The following PTPRG variants were observed in gnomAD, a reference collection of about 807,000 sequenced individuals.
PTPRG encodes receptor-type tyrosine-protein phosphatase gamma.
In PTPRG, 102 loss-of-function variants were observed where a neutral mutation model predicts 165.3. The ratio of observed to expected loss-of-function variants is 0.62; its 90% CI spans 0.53 to 0.73. PTPRG has a LOEUF of 0.73. PTPRG is among the 30% of genes least tolerant of loss of function. The probability of loss-of-function intolerance (pLI) is 0.00; values close to 1 mark genes in which losing one functional copy is unlikely to be tolerated. For synonymous variants in PTPRG, 675 were observed against 669.5 expected (o/e 1.01, Z -0.13); for missense variants, 1,866 against 1,861.4 (o/e 1.00, Z -0.05).
intron 2 of PTPRG, among the ~76,000 whole-genome samples, chr3:61,881,567 C>G (rs1671495575): frequency 6.6e-6 from 1 of 152,194 alleles, no homozygotes. Flanking sequence ...GGAGGTTTTT[C>G]TAGCCATTTG....
rs533376586 is a variant in PTPRG at position 61,830,786 on chromosome 3, C to T, written c.190+81804C>T. Among the ~76,000 whole-genome samples the T allele has an allele frequency of 2.0e-5, 3 of 152,210 alleles. No homozygotes were observed. The South Asian group carries it at 6.2e-4, about 32-fold the overall frequency. On this transcript the variant is annotated intron_variant, in intron 2 of 29. Transcript: ENST00000474889. The stretch of plus-strand genomic sequence containing the variant: ...ATGGGGATTCTCCATGTTGGTCAGG[C>T]TGGTCTCGAACTCCCGACCTCAGGT...
At chr3:62,150,113 G>A (rs1002638836) in intron 6 of PTPRG, among the ~76,000 whole-genome samples, 2 of 152,208 alleles carry the variant, frequency 1.3e-5, no homozygotes, top group Non-Finnish European at 2.9e-5. Context: ...ACAGTGGTCA[G>A]GATAGGCCTC....
chr3:62,080,689 T>C (rs569744484), intron 5 of PTPRG, among the ~76,000 whole-genome samples: 1 of 152,320 alleles, frequency 6.6e-6, no homozygotes, highest in South Asian at 2.1e-4. Context: ...GTTTATGGCA[T>C]GCTCTACCCA....
Position 62,278,548 on chromosome 3 carries a change from C to T in PTPRG, c.3765+869C>T, listed in dbSNP as rs569688183. On this transcript the variant is annotated intron_variant, in intron 26 of 29. Transcript: ENST00000474889. ...GACATGTGAACCCATGAGGTAAAAA[C>T]AAAAAACAGTGAGGATCTGCCTTTA... 2.0e-5 allele frequency among the ~76,000 whole-genome samples: 3 copies of T among 151,918 alleles called. No homozygotes were observed. The East Asian group carries it at 5.8e-4, about 29-fold the overall frequency.
intron 2 of PTPRG, among the ~76,000 whole-genome samples, chr3:61,754,993 CT>C (rs869191842): frequency 2.7e-4 from 39 of 146,412 alleles, no homozygotes; most frequent in Non-Finnish European, 3.0e-4. Flanking sequence ...TCTTCTTCTT[CT>C]TTTTTTTTTT....
intron 2 of PTPRG, among the ~76,000 whole-genome samples, chr3:61,862,714 A>C (rs965631802): frequency 5.9e-5 from 9 of 152,162 alleles, no homozygotes; most frequent in African/African-American, 1.7e-4. Context: ...TCAGACTTAA[A>C]GAGTAGCTGC....
intron 4 of PTPRG, among the ~76,000 whole-genome samples, chr3:62,038,442 G>C (rs1700019801): frequency 6.6e-6 from 1 of 152,074 alleles, no homozygotes; most frequent in Non-Finnish European, 1.5e-5. Context: ...CTGTCACCCA[G>C]GTTGGAGTGC....
chr3:61,950,376 C>T (rs1559708537), intron 2 of PTPRG, among the ~76,000 whole-genome samples: 3 of 152,098 alleles, frequency 2.0e-5, no homozygotes, highest in Non-Finnish European at 4.4e-5. Context: ...TCTGGGAGTT[C>T]CAGTCTTGTG....
At chr3:61,720,163 G>A (rs1361367374) in intron 1 of PTPRG, among the ~76,000 whole-genome samples, 1 of 151,842 alleles carries the variant, frequency 6.6e-6, no homozygotes, top group Non-Finnish European at 1.5e-5. Flanking sequence ...TGTCCCCCAG[G>A]CTGGAGCTGG....
chr3:61,803,787 A>G (rs748371827), intron 2 of PTPRG, among the ~76,000 whole-genome samples: 1 of 152,080 alleles, frequency 6.6e-6, no homozygotes, highest in African/African-American at 2.4e-5. Flanking sequence ...AAAAATACCT[A>G]TTTGTCATGG....
At chr3:61,745,041 C>G (rs2033142351) in intron 1 of PTPRG, among the ~76,000 whole-genome samples, 1 of 141,234 alleles carries the variant, frequency 7.1e-6, no homozygotes, top group Non-Finnish European at 1.5e-5. Flanking sequence ...TGTGTTCATT[C>G]ATTCCCTCAC....
intron 3 of PTPRG, 107 bp from the exon 4 acceptor site, chr3:62,003,242 C>T: frequency 7.8e-7 from 1 of 1,289,960 alleles, no homozygotes; most frequent in Non-Finnish European, 1.1e-6. Context: ...TACATGAGGA[C>T]ATAATTCATA....
intron 4 of PTPRG, among the ~76,000 whole-genome samples, chr3:62,065,951 A>G (rs1047852343): frequency 6.6e-6 from 1 of 152,210 alleles, no homozygotes; most frequent in Non-Finnish European, 1.5e-5. Context: ...GTTGTTTTGG[A>G]TGTGTGTTCT....
intron 9 of PTPRG, 54 bp downstream of exon 9, chr3:62,191,707 T>G: frequency 6.6e-7 from 1 of 1,512,246 alleles, no homozygotes; most frequent in Non-Finnish European, 9.1e-7. Context: ...GGACTCCTGC[T>G]GCAGCTCTCT....
intron 2 of PTPRG, among the ~76,000 whole-genome samples, chr3:61,880,622 CAAAAAAAAA>C (rs35846878): frequency 5.0e-5 from 4 of 80,238 alleles, no homozygotes; most frequent in African/African-American, 1.8e-4. Context: ...AACCCTGTCT[CAAAAAAAAA>C]AAAAAAAAAA....
rs767479285 is a variant in PTPRG at position 61,894,301 on chromosome 3, C to CAAAAAAAAAAAAAAAAAAA, written c.191-95309_191-95291dup. On this transcript the variant is annotated intron_variant, in intron 2 of 29. Transcript: ENST00000474889. ...CGGGCAACAGAGCAAGACTCTGTGT[C>CAAAAAAAAAAAAAAAAAAA]AAAAAAAAAAAAAAAAAAAAAAAAA... Among the ~76,000 whole-genome samples the CAAAAAAAAAAAAAAAAAAA allele has an allele frequency of 2.8e-4, 14 of 49,850 alleles. 1 individual carries two copies. The highest frequency in any genetic ancestry group is 7.9e-4 in the African/African-American group (12 of 15,100). The allele number at this position is 49,850 out of a possible 152,430, so 32.7% of individuals were successfully genotyped here. A position where few individuals can be genotyped will look rare whatever the true frequency, so the allele number is the denominator to read the frequency against.
intron 1 of PTPRG, among the ~76,000 whole-genome samples, chr3:61,700,807 G>A (rs2030911209): frequency 6.6e-6 from 1 of 151,980 alleles, no homozygotes; most frequent in Admixed American, 6.6e-5. Flanking sequence ...TTTCATTCTG[G>A]GTATACATCC....
chr3:62,292,501 T>G lies in PTPRG; in HGVS notation c.4136T>G (p.Val1379Gly), dbSNP rs1204929114. 2 of 1,613,676 alleles carry G rather than the reference T, an allele frequency of 1.2e-6. No individual in the cohort carries two copies. The highest frequency in any genetic ancestry group is 2.2e-5 in the East Asian group (1 of 44,894). The change falls in exon 29 of 30, where the codon GTT becomes GGT. Residue 1379 changes from valine to glycine, a missense_variant. Around this residue, in one of 3 missense-constraint regions of PTPRG, gnomAD observed 1,452 missense variants for 1,463.0 expected, o/e 0.99. Transcript: ENST00000474889. ...QQLENENAVDVFQVAKMINLM... is the reference protein window; with the variant it reads ...QQLENENAVDGFQVAKMINLM... ...CTGGAGAATGAAAATGCTGTGGATG[T>G]TTTCCAGGTTGCAAAAATGATCAAT... is the stretch of plus-strand genomic sequence containing the variant.
intron 4 of PTPRG, among the ~76,000 whole-genome samples, chr3:62,024,631 A>G (rs1266905870): frequency 6.6e-6 from 1 of 152,192 alleles, no homozygotes; most frequent in Non-Finnish European, 1.5e-5. Context: ...TCTCTGTAGA[A>G]TATTTTTGGC....
Sources: gnomAD v4.1 joint callset for allele counts (sites outside exome capture counted in the v4.1 genomes callset) on GRCh38, gnomAD v4.1.1 for gene constraint, gnomAD v4.1.1 regional missense constraint, MANE v1.5 for transcripts, NCBI Gene and HGNC (gene_info 2026-07-23, HGNC 2026-07-21) for gene names.